The following SEMA3A variants were observed in gnomAD, a reference collection of about 807,000 sequenced individuals.
SEMA3A encodes semaphorin 3A.
SEMA3A carries 29 observed loss-of-function variants against 97.9 expected under a neutral mutation model. That is an observed-to-expected ratio of 0.30 (90% CI 0.22 to 0.40). The LOEUF (loss-of-function observed/expected upper bound fraction) is 0.40, where lower values mean the gene tolerates loss of function less well. Among genes scored for constraint, SEMA3A ranks in the 10% least tolerant of loss-of-function variants. The pLI, the probability that SEMA3A is intolerant of heterozygous loss-of-function variation, is 1.00. For synonymous variants in SEMA3A, 321 were observed against 323.7 expected (o/e 0.99, Z 0.09); for missense variants, 763 against 951.3 (o/e 0.80, Z 2.60).
chr7:84,160,203 T>TA (rs540346880), intron 1 of SEMA3A, among the ~76,000 whole-genome samples: 43 of 150,702 alleles, frequency 2.9e-4, no homozygotes, highest in South Asian at 1.1e-3. Flanking sequence ...TTTAGTGAGA[T>TA]TAAAAAAAAC....
chr7:84,120,158 A>G (rs961927900), intron 3 of SEMA3A, among the ~76,000 whole-genome samples: 2 of 152,128 alleles, frequency 1.3e-5, no homozygotes, highest in Admixed American at 6.5e-5. Flanking sequence ...AAAGATTTCC[A>G]AAAATGTAAG....
chr7:84,239,337 A>T (rs1440542447), intron 3 of SEMA3A, among the ~76,000 whole-genome samples: 1 of 152,202 alleles, frequency 6.6e-6, no homozygotes, highest in Admixed American at 6.5e-5. Context: ...GCTTTTGTTG[A>T]AAATAAATTT....
At chr7:84,136,866 A>G (rs62474703) in intron 1 of SEMA3A, among the ~76,000 whole-genome samples, 33,715 of 151,302 alleles carry the variant, frequency 0.22, 4,636 homozygotes, top group East Asian at 0.41. Context: ...GTACAATACT[A>G]GGCTGGCCTT....
At chr7:84,271,760 A>T (rs908653142) in intron 3 of SEMA3A, among the ~76,000 whole-genome samples, 6 of 152,158 alleles carry the variant, frequency 3.9e-5, no homozygotes, top group African/African-American at 1.4e-4. Flanking sequence ...GAGTGGGCAC[A>T]GATCTGTCAG....
intron 15 of SEMA3A, among the ~76,000 whole-genome samples, chr7:83,971,419 C>T (rs193181041): frequency 1.5e-5 from 2 of 133,092 alleles, no homozygotes; most frequent in African/African-American, 2.8e-5. Flanking sequence ...GCAATAAGAG[C>T]GAAACTCCAT....
rs568965814 is a variant in SEMA3A at position 83,978,432 on chromosome 7, T to A, written c.1653-1236A>T. Among the ~76,000 whole-genome samples, 95 of 152,218 alleles carry A rather than the reference T, an allele frequency of 6.2e-4. 2 individuals carry two copies. In the South Asian group the frequency reaches 0.012, roughly 19 times the overall value. Reference sequence around the variant, plus strand: ...TGTAGTCACTGCGGTGCAACAAAGATGTGAAGTTCCAGGAAGAGGCTAAAA... The same window carrying A: ...TGTAGTCACTGCGGTGCAACAAAGAAGTGAAGTTCCAGGAAGAGGCTAAAA... On this transcript the variant is annotated intron_variant, in intron 14 of 16. Transcript: ENST00000265362.
intron 4 of SEMA3A, among the ~76,000 whole-genome samples, chr7:84,063,507 G>A (rs1793343281): frequency 6.7e-6 from 1 of 150,236 alleles, no homozygotes; most frequent in Non-Finnish European, 1.5e-5. Flanking sequence ...AGGCAAAGAA[G>A]TTGAAAACTT....
At chr7:84,211,272 T>C (rs893454691) in intron 3 of SEMA3A, among the ~76,000 whole-genome samples, 1 of 152,082 alleles carries the variant, frequency 6.6e-6, no homozygotes, top group African/African-American at 2.4e-5. Flanking sequence ...TATGCTAGCC[T>C]TGGTGAAAGG....
At chr7:84,072,002 G>A (rs1793759996) in intron 4 of SEMA3A, among the ~76,000 whole-genome samples, 1 of 151,926 alleles carries the variant, frequency 6.6e-6, no homozygotes, top group Non-Finnish European at 1.5e-5. Context: ...CAATTGTGTA[G>A]GAGATGTTAG....
At chr7:84,265,337 A>T (rs1799963658) in intron 3 of SEMA3A, among the ~76,000 whole-genome samples, 1 of 151,480 alleles carries the variant, frequency 6.6e-6, no homozygotes, top group Non-Finnish European at 1.5e-5. Flanking sequence ...ACTGCTCCTT[A>T]AATGCTGTTG....
At chr7:84,435,737 G>T (rs973489138) in intron 1 of SEMA3A, among the ~76,000 whole-genome samples, 3 of 152,126 alleles carry the variant, frequency 2.0e-5, no homozygotes, top group East Asian at 3.9e-4. Context: ...CCATTGAAAT[G>T]TCCATACCAC....
chr7:84,304,960 G>A (rs558970896), intron 3 of SEMA3A, among the ~76,000 whole-genome samples: 20 of 151,862 alleles, frequency 1.3e-4, no homozygotes, highest in African/African-American at 3.9e-4. Flanking sequence ...TGCTAGTAAG[G>A]CATTTGTATA....
chr7:84,188,501 T>C (rs1293377685), intron 1 of SEMA3A, among the ~76,000 whole-genome samples: 1 of 151,954 alleles, frequency 6.6e-6, no homozygotes, highest in Non-Finnish European at 1.5e-5. Context: ...AAGGAGTCAG[T>C]CTTTTAAAAA....
At chr7:83,987,025 C>A (rs1789663737) in intron 12 of SEMA3A, among the ~76,000 whole-genome samples, 1 of 151,294 alleles carries the variant, frequency 6.6e-6, no homozygotes, top group South Asian at 2.1e-4. Context: ...CATCTCATTT[C>A]CTTGCTTTAA....
intron 1 of SEMA3A, among the ~76,000 whole-genome samples, chr7:84,402,239 A>G (rs897897994): frequency 1.3e-5 from 2 of 152,198 alleles, no homozygotes; most frequent in African/African-American, 4.8e-5. Context: ...GGCTGGGTAT[A>G]TGGAAAAATG....
Position 84,179,496 on chromosome 7 carries a change from T to C in SEMA3A, c.112+14979A>G, listed in dbSNP as rs77105556. On this transcript the variant is annotated intron_variant, in intron 1 of 16. Transcript: ENST00000265362. ...CTACCTGTAAAACATATTTTCCTCA[T>C]ACTCAATAGCATATCATAGAATAAT... Among the ~76,000 whole-genome samples the C allele has an allele frequency of 6.8e-3, 1,030 of 152,276 alleles. 51 individuals carry two copies. The East Asian group carries it at 0.13, about 19-fold the overall frequency.
chr7:84,180,033 A>ACCTCC (rs1469506413), intron 1 of SEMA3A, among the ~76,000 whole-genome samples: 5 of 127,000 alleles, frequency 3.9e-5, no homozygotes, highest in African/African-American at 1.5e-4. Context: ...CACAACCTCC[A>ACCTCC]CCTCCCGGGT....
intron 1 of SEMA3A, among the ~76,000 whole-genome samples, chr7:84,147,156 A>C (rs1796487404): frequency 6.6e-6 from 1 of 152,162 alleles, no homozygotes; most frequent in Admixed American, 6.5e-5. Context: ...CCAGTAACAA[A>C]ACAGTGGAAA....
intron 5 of SEMA3A, among the ~76,000 whole-genome samples, chr7:84,051,864 T>C (rs967548255): frequency 6.6e-6 from 1 of 151,186 alleles, no homozygotes; most frequent in African/African-American, 2.4e-5. Context: ...AGATAGCTCT[T>C]ATTATTTTGA....
Sources: allele counts gnomAD v4.1 joint callset (sites outside exome capture counted in the v4.1 genomes callset), GRCh38; gene constraint gnomAD v4.1.1; transcripts MANE v1.5; gene names NCBI Gene and HGNC (gene_info 2026-07-23, HGNC 2026-07-21).